SEMA6D: variants seen among roughly 807,000 people sequenced by gnomAD.
SEMA6D encodes semaphorin 6D.
SEMA6D carries 35 observed loss-of-function variants against 106.6 expected under a neutral mutation model. That is an observed-to-expected ratio of 0.33 (90% CI 0.25 to 0.44). The LOEUF (loss-of-function observed/expected upper bound fraction) is 0.44, where lower values mean the gene tolerates loss of function less well. SEMA6D is among the 20% of genes least tolerant of loss of function. The pLI is 1.00. For synonymous variants in SEMA6D, 499 were observed against 487.7 expected, an observed-to-expected ratio of 1.02 and a Z score of -0.31; for missense variants, 1,185 against 1,345.9, an observed-to-expected ratio of 0.88 and a Z score of 1.87.
In SEMA6D at chr15:47,597,714, G is replaced by A. The variant is rs565252807; in HGVS notation, c.-86-3151G>A. 1.4e-3 allele frequency among the ~76,000 whole-genome samples: 215 copies of A among 151,836 alleles called. 1 individual carries two copies. The highest frequency in any genetic ancestry group is 4.8e-3 in the African/African-American group (198 of 41,450). Reference sequence around the variant, plus strand: ...GATTAGTGATTACCAGAGGCTGGGGGTGGGGAGTATGGGGAATGAGGGAGA... The same window carrying A: ...GATTAGTGATTACCAGAGGCTGGGGATGGGGAGTATGGGGAATGAGGGAGA... On this transcript the variant is annotated intron_variant, in intron 3 of 19. Transcript: ENST00000558014.
At chr15:47,668,957 T>A (rs1440163460) in intron 4 of SEMA6D, among the ~76,000 whole-genome samples, 1 of 152,166 alleles carries the variant, frequency 6.6e-6, no homozygotes, top group Admixed American at 6.5e-5. Flanking sequence ...TTTTTAGTTT[T>A]AAAAAAATTC....
At chr15:47,253,980 T>C (rs2033657757) in intron 1 of SEMA6D, among the ~76,000 whole-genome samples, 1 of 152,122 alleles carries the variant, frequency 6.6e-6, no homozygotes, top group Non-Finnish European at 1.5e-5. Context: ...CTTTCAATCA[T>C]TGAGCATTGA....
chr15:47,259,708 C>T (rs2033979406), intron 1 of SEMA6D, among the ~76,000 whole-genome samples: 1 of 152,090 alleles, frequency 6.6e-6, no homozygotes, highest in Non-Finnish European at 1.5e-5. Context: ...TGAATCTGTA[C>T]ATTGGGTTTT....
At chr15:47,723,813 A>C (rs2146404081) in intron 1 of SEMA6D, among the ~76,000 whole-genome samples, 1 of 152,338 alleles carries the variant, frequency 6.6e-6, no homozygotes, top group South Asian at 2.1e-4. Context: ...ATTTACAGGA[A>C]GGAATATGGG....
At chr15:47,732,889 C>G (rs1025068612) in intron 1 of SEMA6D, among the ~76,000 whole-genome samples, 7 of 152,148 alleles carry the variant, frequency 4.6e-5, no homozygotes, top group Admixed American at 2.6e-4. Flanking sequence ...ATATTTGTTT[C>G]CTGTAGCTTC....
chr15:47,619,159 C>T lies in SEMA6D; in HGVS notation c.-55+18263C>T, dbSNP rs1236174936. On this transcript the variant is annotated intron_variant, in intron 4 of 19. Coordinates refer to the SEMA6D transcript ENST00000558014. ...AAAGAGCCAAACCACTAAGGGAAGACCTGTGCTAGTCATCATTTAGGCTAG... is the reference window on the plus strand; with the variant it reads ...AAAGAGCCAAACCACTAAGGGAAGATCTGTGCTAGTCATCATTTAGGCTAG... Among the ~76,000 whole-genome samples the T allele has an allele frequency of 2.6e-5, 4 of 152,216 alleles. No homozygotes were observed. In the East Asian group the frequency reaches 7.7e-4, roughly 29 times the overall value.
chr15:47,338,403 T>C (rs2144372735), intron 1 of SEMA6D, among the ~76,000 whole-genome samples: 1 of 152,280 alleles, frequency 6.6e-6, no homozygotes, highest in South Asian at 2.1e-4. Flanking sequence ...AGGGGATAAA[T>C]GCTTGAGGGG....
intron 4 of SEMA6D, among the ~76,000 whole-genome samples, chr15:47,647,763 A>G (rs971020320): frequency 6.6e-6 from 1 of 152,178 alleles, no homozygotes; most frequent in African/African-American, 2.4e-5. Flanking sequence ...ATTGGAAGCA[A>G]ATTATTCAAT....
intron 1 of SEMA6D, among the ~76,000 whole-genome samples, chr15:47,360,675 T>G (rs2038770443): frequency 6.6e-6 from 1 of 152,168 alleles, no homozygotes; most frequent in Non-Finnish European, 1.5e-5. Flanking sequence ...CAAAGGAAAA[T>G]TTAGGAGGTG....
chr15:47,345,423 C>T (rs2038006167), intron 1 of SEMA6D, among the ~76,000 whole-genome samples: 1 of 151,908 alleles, frequency 6.6e-6, no homozygotes. Flanking sequence ...CACTTGATTT[C>T]CAACACAAGA....
intron 4 of SEMA6D, among the ~76,000 whole-genome samples, chr15:47,608,180 A>G (rs557348173): frequency 5.4e-4 from 83 of 152,340 alleles, no homozygotes; most frequent in African/African-American, 2.0e-3. Context: ...CCTTAAAGGA[A>G]CATGATGGTA....
intron 4 of SEMA6D, among the ~76,000 whole-genome samples, chr15:47,681,304 A>C (rs1027562594): frequency 1.3e-5 from 2 of 152,240 alleles, no homozygotes; most frequent in Non-Finnish European, 2.9e-5. Flanking sequence ...TGCCATATGG[A>C]TGAACCTTGA....
chr15:47,337,712 G>T (rs1417254227), intron 1 of SEMA6D, among the ~76,000 whole-genome samples: 2 of 152,118 alleles, frequency 1.3e-5, no homozygotes, highest in African/African-American at 4.8e-5. Flanking sequence ...ATGAAGGCTG[G>T]CTTACATGCC....
chr15:47,293,894 A>G (rs1305180066), intron 1 of SEMA6D, among the ~76,000 whole-genome samples: 3 of 152,208 alleles, frequency 2.0e-5, no homozygotes, highest in Non-Finnish European at 4.4e-5. Context: ...AATATACTCA[A>G]TTAAGTGTTG....
chr15:47,557,494 G>A (rs2045948448), intron 3 of SEMA6D, among the ~76,000 whole-genome samples: 1 of 152,118 alleles, frequency 6.6e-6, no homozygotes, highest in African/African-American at 2.4e-5. Flanking sequence ...ATTAAATACA[G>A]CTAGAATGGC....
At chr15:47,756,214 T>G (rs145563796) in intron 1 of SEMA6D, among the ~76,000 whole-genome samples, 4 of 152,314 alleles carry the variant, frequency 2.6e-5, no homozygotes, top group Non-Finnish European at 2.9e-5. Context: ...TTTCCTCTTT[T>G]TTGGAGGCCT....
At chr15:47,375,249 C>G (rs1037601956) in intron 1 of SEMA6D, among the ~76,000 whole-genome samples, 1 of 152,096 alleles carries the variant, frequency 6.6e-6, no homozygotes, top group Non-Finnish European at 1.5e-5. Context: ...ATCTGAGGGT[C>G]TAGGAAGTTA....
chr15:47,272,758 A>G (rs538739063), intron 1 of SEMA6D: 5 of 152,518 alleles, frequency 3.3e-5, no homozygotes, highest in Admixed American at 6.5e-5. Flanking sequence ...AACATCCCCA[A>G]TAGAGGAAGA....
At chr15:47,611,482 A>G (rs763786498) in intron 4 of SEMA6D, among the ~76,000 whole-genome samples, 1 of 152,254 alleles carries the variant, frequency 6.6e-6, no homozygotes, top group Non-Finnish European at 1.5e-5. Context: ...TTTGTATACA[A>G]TATAACGAAC....
Sources: gnomAD v4.1 joint callset for allele counts (sites outside exome capture counted in the v4.1 genomes callset) on GRCh38, gnomAD v4.1.1 for gene constraint, MANE v1.5 for transcripts, NCBI Gene and HGNC (gene_info 2026-07-23, HGNC 2026-07-21) for gene names.